The following NFIB variants were observed in gnomAD, a reference collection of about 807,000 sequenced individuals.
The protein encoded by NFIB is nuclear factor 1 B-type.
A neutral mutation model predicts 61.5 loss-of-function variants in NFIB; 11 were observed. The ratio of observed to expected loss-of-function variants is 0.18; its 90% CI spans 0.11 to 0.30. The LOEUF (loss-of-function observed/expected upper bound fraction) is 0.30. NFIB is among the 10% of genes least tolerant of loss of function. NFIB has a pLI of 1.00. For missense variants in NFIB, 471 were observed against 608.9 expected (o/e 0.77, Z 2.38); for synonymous variants, 260 against 216.5 (o/e 1.20, Z -1.76).
chr9:14,186,176 CTA>C (rs2047314817), intron 2 of NFIB, among the ~76,000 whole-genome samples: 1 of 152,154 alleles, frequency 6.6e-6, no homozygotes, highest in African/African-American at 2.4e-5. Context: ...CTCTAAAATT[CTA>C]TGATTCCATA....
intron 2 of NFIB, among the ~76,000 whole-genome samples, chr9:14,200,983 G>A (rs938625311): frequency 2.6e-5 from 4 of 152,086 alleles, no homozygotes; most frequent in Non-Finnish European, 4.4e-5. Flanking sequence ...TTCCCAAGCT[G>A]AAAATGCTCA....
At chr9:14,492,458 T>C in the NFIB span, among the ~76,000 whole-genome samples, 2 of 152,058 alleles carry the variant, frequency 1.3e-5, no homozygotes, top group Non-Finnish European at 2.9e-5. Context: ...TCTGCAGTTA[T>C]ACAGGACGAA....
At chr9:14,387,299 A>T (rs1003043777) in intron 1 of NFIB, among the ~76,000 whole-genome samples, 1 of 152,252 alleles carries the variant, frequency 6.6e-6, no homozygotes, top group African/African-American at 2.4e-5. Flanking sequence ...TAGAGTAGCA[A>T]GCACGGTGAC....
intron 1 of NFIB, among the ~76,000 whole-genome samples, chr9:14,331,756 C>T (rs1002503307): frequency 1.3e-5 from 2 of 152,188 alleles, no homozygotes; most frequent in Non-Finnish European, 1.5e-5. Flanking sequence ...TTCTTAACCA[C>T]GATTCCCTTA....
At chr9:14,115,204 C>A (rs1479323711) in intron 9 of NFIB, among the ~76,000 whole-genome samples, 3 of 151,560 alleles carry the variant, frequency 2.0e-5, no homozygotes, top group South Asian at 2.1e-4. Flanking sequence ...TTTCCAATGG[C>A]TGAGAAAGAA....
At chr9:14,449,795 A>G in the NFIB span, among the ~76,000 whole-genome samples, 1 of 151,866 alleles carries the variant, frequency 6.6e-6, no homozygotes, top group African/African-American at 2.4e-5. Flanking sequence ...TTAGCCAGAC[A>G]TGGTGGTGCA....
chr9:14,107,304 C>A (rs1288388880), intron 10 of NFIB, among the ~76,000 whole-genome samples: 5 of 148,640 alleles, frequency 3.4e-5, no homozygotes, highest in Non-Finnish European at 6.0e-5. Context: ...GTTTCACATA[C>A]AACACATGCA....
chr9:14,199,406 G>A (rs542496999), intron 2 of NFIB, among the ~76,000 whole-genome samples: 2 of 152,266 alleles, frequency 1.3e-5, no homozygotes, highest in African/African-American at 4.8e-5. Context: ...CGGCTACAGT[G>A]TACATCCTCG....
chr9:14,234,715 T>A (rs892730871), intron 2 of NFIB, among the ~76,000 whole-genome samples: 2 of 152,150 alleles, frequency 1.3e-5, no homozygotes, highest in Non-Finnish European at 2.9e-5. Context: ...AGCATATTTT[T>A]AATTTAATTT....
chr9:14,405,598 G>A, the NFIB span, among the ~76,000 whole-genome samples: 5 of 151,548 alleles, frequency 3.3e-5, no homozygotes, highest in Admixed American at 1.3e-4. Flanking sequence ...AAAACAGAAC[G>A]TTAGTAGCAA....
At chr9:14,372,546 T>G (rs1168941858) in intron 1 of NFIB, among the ~76,000 whole-genome samples, 1 of 152,234 alleles carries the variant, frequency 6.6e-6, no homozygotes, top group Non-Finnish European at 1.5e-5. Flanking sequence ...CAAATGGAAT[T>G]AATGACCAAA....
At chr9:14,392,533 A>AAACCAT (rs2061636320) in intron 1 of NFIB, among the ~76,000 whole-genome samples, 1 of 152,126 alleles carries the variant, frequency 6.6e-6, no homozygotes, top group Non-Finnish European at 1.5e-5. Context: ...TTTGAGACCG[A>AAACCAT]CCTGGGCAAC....
At chr9:14,389,965 G>A (rs765159087) in intron 1 of NFIB, among the ~76,000 whole-genome samples, 2 of 152,142 alleles carry the variant, frequency 1.3e-5, no homozygotes, top group East Asian at 1.9e-4. Flanking sequence ...CGGAAAAATC[G>A]CTTTCAGACC....
At chr9:14,187,021 G>GTGTA (rs2047422780) in intron 2 of NFIB, among the ~76,000 whole-genome samples, 5 of 11,560 alleles carry the variant, frequency 4.3e-4, no homozygotes, top group Admixed American at 2.8e-3. Context: ...GTGTGTGTGT[G>GTGTA]TGTGTATGTG....
intron 2 of NFIB, among the ~76,000 whole-genome samples, chr9:14,236,348 G>C (rs927658426): frequency 2.0e-5 from 3 of 152,124 alleles, no homozygotes; most frequent in African/African-American, 7.2e-5. Flanking sequence ...CATCATAGTG[G>C]TCAGTAATCT....
At chr9:14,246,167 G>A (rs1048802867) in intron 2 of NFIB, among the ~76,000 whole-genome samples, 1 of 151,236 alleles carries the variant, frequency 6.6e-6, no homozygotes. Context: ...CTTAAAACTC[G>A]CCAGTCTAAA....
intron 2 of NFIB, 109 bp from the exon 3 acceptor site, chr9:14,179,889 T>C: frequency 2.0e-6 from 2 of 999,460 alleles, no homozygotes; most frequent in Non-Finnish European, 1.5e-6. Flanking sequence ...TGAAGTTGAG[T>C]GCTTAAATAA....
intron 6 of NFIB, among the ~76,000 whole-genome samples, chr9:14,134,052 C>T (rs559799781): frequency 2.6e-5 from 4 of 152,106 alleles, no homozygotes; most frequent in Admixed American, 6.5e-5. Flanking sequence ...GGGGAGAAGA[C>T]ACATGGTGTG....
the NFIB span, among the ~76,000 whole-genome samples, chr9:14,437,694 T>C: frequency 6.6e-6 from 1 of 151,612 alleles, no homozygotes; most frequent in Non-Finnish European, 1.5e-5. Flanking sequence ...CCGGAGGGGG[T>C]CCCCCACCTC....
Sources: allele counts gnomAD v4.1 joint callset (sites outside exome capture counted in the v4.1 genomes callset), GRCh38; gene constraint gnomAD v4.1.1; transcripts MANE v1.5; gene names NCBI Gene and HGNC (gene_info 2026-07-23, HGNC 2026-07-21).